MTRR: variants seen among roughly 807,000 people sequenced by gnomAD.
MTRR encodes the protein 5-methyltetrahydrofolate-homocysteine methyltransferase reductase, also known as methionine synthase reductase.
A neutral mutation model predicts 79.2 loss-of-function variants in MTRR; 63 were observed. The observed-to-expected ratio is 0.80, with a 90% CI of 0.65 to 0.98. The LOEUF (loss-of-function observed/expected upper bound fraction) is 0.98, where lower values mean the gene tolerates loss of function less well. Among genes scored for constraint, MTRR ranks in the 50% least tolerant of loss-of-function variants. The pLI, the probability that MTRR is intolerant of heterozygous loss-of-function variation, is 0.00. For synonymous variants in MTRR, 355 were observed against 313.3 expected (o/e 1.13, Z -1.41); for missense variants, 895 against 839.6 (o/e 1.07, Z -0.82).
chr5:7,885,913 G>A, intron 7 of MTRR, 59 bp downstream of exon 7: 1 of 1,608,462 alleles, frequency 6.2e-7, no homozygotes, highest in East Asian at 2.2e-5. Flanking sequence ...GGAGCTGATG[G>A]TGAGAGTGTG....
At chr5:7,875,809 C>T (rs1048370466) in intron 4 of MTRR, among the ~76,000 whole-genome samples, 4 of 152,264 alleles carry the variant, frequency 2.6e-5, no homozygotes, top group Non-Finnish European at 5.9e-5. Flanking sequence ...GCCTTCGCTG[C>T]AGGCTGCATT....
At chr5:7,867,485 A>G, upstream of MTRR, 6 of 1,614,266 alleles carry the variant, frequency 3.7e-6, no homozygotes, top group Non-Finnish European at 5.1e-6. Context: ...TTCTGCCACC[A>G]GGTTCAGCAA....
At chr5:7,898,017 C>T (rs974523758) in intron 14 of MTRR, among the ~76,000 whole-genome samples, 1 of 151,708 alleles carries the variant, frequency 6.6e-6, no homozygotes, top group Non-Finnish European at 1.5e-5. Context: ...AACAAAGCAA[C>T]GTTTTCTGTT....
chr5:7,872,827 C>T (rs1195126272), intron 2 of MTRR, among the ~76,000 whole-genome samples: 1 of 152,178 alleles, frequency 6.6e-6, no homozygotes, highest in East Asian at 1.9e-4. Context: ...TTTAACACCT[C>T]TTTCCTTGCT....
chr5:7,890,332 C>T (rs2126779262), intron 9 of MTRR: 2 of 985,408 alleles, frequency 2.0e-6, no homozygotes. Context: ...TTCTCACCAT[C>T]CTGTCCTCAG....
upstream of MTRR, chr5:7,866,647 T>G: frequency 6.4e-7 from 1 of 1,574,708 alleles, no homozygotes; most frequent in Non-Finnish European, 8.6e-7. Context: ...CCAACTCACC[T>G]TGCAGCCGTT....
Position 7,870,788 on chromosome 5 carries a change from T to C in MTRR, c.-7T>C, listed in dbSNP as rs2126643549. ...TTTTCAGTTTCACTGTTACATGCCT[T>C]GAAGTGATGAGGAGGTTTCTGTTAC... On this transcript the variant is annotated 5_prime_UTR_variant, in exon 2 of 15. It removes the in-frame stop codon of an upstream open reading frame in the 5' UTR. Coordinates refer to ENST00000440940, the MANE Select transcript of MTRR (RefSeq NM_002454.3). The C allele has an allele frequency of 6.2e-7, 1 of 1,614,144 alleles. No individual in the cohort carries two copies. Among genetic ancestry groups the C allele is most frequent in the Non-Finnish European group, 8.5e-7 (1 of 1,180,028 alleles).
chr5:7,881,949 G>C (rs1190187223), intron 5 of MTRR, among the ~76,000 whole-genome samples: 3 of 152,136 alleles, frequency 2.0e-5, no homozygotes, highest in African/African-American at 7.2e-5. Context: ...TCTCTCACTG[G>C]TGTGGTGTTC....
At chr5:7,869,911 ATCGAG>A (rs1395748958) in intron 1 of MTRR, 1 of 259,466 alleles carries the variant, frequency 3.9e-6, no homozygotes, top group Non-Finnish European at 6.0e-6. Context: ...CAGATAACTT[ATCGAG>A]TACCAGTTTC....
At chr5:7,881,566 A>C (rs1735602247) in intron 5 of MTRR, among the ~76,000 whole-genome samples, 1 of 152,096 alleles carries the variant, frequency 6.6e-6, no homozygotes, top group Non-Finnish European at 1.5e-5. Flanking sequence ...CTGGGTAGTC[A>C]AGATTTTTAA....
At chr5:7,863,277 G>A in intron 2 of MTRR, 1 of 375,584 alleles carries the variant, frequency 2.7e-6, no homozygotes, top group Non-Finnish European at 4.8e-6. Context: ...AAAAAGGAGT[G>A]AGGAGAGAGT....
intron 4 of MTRR, among the ~76,000 whole-genome samples, chr5:7,876,841 G>T (rs556053753): frequency 6.6e-6 from 1 of 152,192 alleles, no homozygotes; most frequent in Non-Finnish European, 1.5e-5. Flanking sequence ...AGTGCCTGTC[G>T]TCATGTAGTA....
chr5:7,895,899 G>C (rs370230439), intron 12 of MTRR, 47 bp downstream of exon 12: 4 of 1,611,160 alleles, frequency 2.5e-6, no homozygotes, highest in Non-Finnish European at 3.4e-6. Context: ...CTGAGTAACC[G>C]TTTTTGTTTC....
intron 11 of MTRR, among the ~76,000 whole-genome samples, chr5:7,895,198 A>G (rs971505795): frequency 6.6e-6 from 1 of 152,244 alleles, no homozygotes; most frequent in Non-Finnish European, 1.5e-5. Context: ...AAAGATTTTG[A>G]TAATTATATG....
intron 14 of MTRR, among the ~76,000 whole-genome samples, chr5:7,898,653 G>A (rs1269934631): frequency 6.6e-6 from 1 of 152,166 alleles, no homozygotes; most frequent in Non-Finnish European, 1.5e-5. Context: ...TGAGAAGACA[G>A]CGGAGCAGGA....
intron 1 of MTRR, among the ~76,000 whole-genome samples, chr5:7,856,592 T>C (rs1213283733): frequency 1.3e-5 from 2 of 151,784 alleles, no homozygotes; most frequent in Non-Finnish European, 2.9e-5. Flanking sequence ...ACAAGACGTG[T>C]CTCATTTCAC....
upstream of MTRR, among the ~76,000 whole-genome samples, chr5:7,864,539 C>A (rs1746795319): frequency 6.6e-6 from 1 of 152,052 alleles, no homozygotes; most frequent in Admixed American, 6.5e-5. Flanking sequence ...ATCTGTTTTA[C>A]AATGAGTCCT....
At chr5:7,872,944 G>C (rs959424102) in intron 2 of MTRR, among the ~76,000 whole-genome samples, 4 of 152,106 alleles carry the variant, frequency 2.6e-5, no homozygotes, top group Non-Finnish European at 5.9e-5. Flanking sequence ...TAGCAGTGCT[G>C]ATTTGCCTTG....
At chr5:7,852,054 A>C (rs162023) in intron 1 of MTRR, among the ~76,000 whole-genome samples, 23 of 152,040 alleles carry the variant, frequency 1.5e-4, no homozygotes, top group Non-Finnish European at 2.9e-4. Flanking sequence ...TGAGGCAGAG[A>C]CAATCTTGTG....
Sources: allele counts gnomAD v4.1 joint callset (sites outside exome capture counted in the v4.1 genomes callset), GRCh38; gene constraint gnomAD v4.1.1; transcripts MANE v1.5; gene names NCBI Gene and HGNC (gene_info 2026-07-23, HGNC 2026-07-21).